The following TSHB variants were observed in gnomAD, a reference collection of about 807,000 sequenced individuals.
TSHB encodes thyrotropin subunit beta.
TSHB carries 9 observed loss-of-function variants against 9.3 expected under a neutral mutation model. That is an observed-to-expected ratio of 0.97 (90% CI 0.58 to 1.69). The LOEUF is 1.69. Ranked by LOEUF, TSHB falls within the 40% of genes most tolerant of loss-of-function variation. TSHB has a pLI of 0.00. For synonymous variants in TSHB, 57 were observed against 57.2 expected, an observed-to-expected ratio of 1.00 and a Z score of 0.01; for missense variants, 182 against 168.5, an observed-to-expected ratio of 1.08 and a Z score of -0.44.
chr1:115,033,497 C>T lies in TSHB; in HGVS notation c.135C>T (p.Thr45=), dbSNP rs1402358886. 1 of 1,613,148 alleles carries T rather than the reference C, an allele frequency of 6.2e-7. No homozygotes were observed. Among genetic ancestry groups the T allele is most frequent in the Non-Finnish European group, 8.5e-7 (1 of 1,179,332 alleles). Reference sequence around the variant, plus strand: ...CTTATTGCCTAACCATCAACACCACCATCTGTGCTGGATATTGTATGACAC... The same window carrying T: ...CTTATTGCCTAACCATCAACACCACTATCTGTGCTGGATATTGTATGACAC... ...ECAYCLTINT[T]ICAGYCMTRD... Residue 45 remains threonine, a synonymous_variant, in exon 2 of 3, where the codon ACC becomes ACT. Transcript: ENST00000256592.
At chr1:115,032,322 G>C (rs1002223087) in intron 1 of TSHB, among the ~76,000 whole-genome samples, 3 of 151,956 alleles carry the variant, frequency 2.0e-5, no homozygotes, top group African/African-American at 7.2e-5. Flanking sequence ...GGTTAACCAA[G>C]GCCGAACCTA....
intron 1 of TSHB, among the ~76,000 whole-genome samples, chr1:115,030,645 G>A (rs1453529893): frequency 6.6e-6 from 1 of 152,008 alleles, no homozygotes; most frequent in Non-Finnish European, 1.5e-5. Context: ...ATCTGAAGAA[G>A]GCATCTCATT....
At chr1:115,033,903 T>A in intron 2 of TSHB, 70 bp from the exon 3 acceptor site, 9 of 1,576,006 alleles carry the variant, frequency 5.7e-6, no homozygotes, top group Non-Finnish European at 7.8e-6. Flanking sequence ...AATTTATTTT[T>A]ATGTTTCTAT....
intron 1 of TSHB, among the ~76,000 whole-genome samples, 189 bp downstream of exon 1, chr1:115,030,049 A>G (rs1392502908): frequency 6.6e-6 from 1 of 152,134 alleles, no homozygotes; most frequent in Non-Finnish European, 1.5e-5. Flanking sequence ...AACTACCTAC[A>G]TAAGGATAAG....
At chr1:115,030,043 A>G (rs530241569) in intron 1 of TSHB, among the ~76,000 whole-genome samples, 183 bp downstream of exon 1, 13 of 152,252 alleles carry the variant, frequency 8.5e-5, no homozygotes, top group African/African-American at 3.1e-4. Context: ...TGAGAGAACT[A>G]CCTACATAAG....
chr1:115,030,507 G>A (rs771037582), intron 1 of TSHB, among the ~76,000 whole-genome samples: 1 of 151,872 alleles, frequency 6.6e-6, no homozygotes, highest in Non-Finnish European at 1.5e-5. Flanking sequence ...GAGCAGAGAG[G>A]AAAGTGTTTA....
At position 115,033,494 on chromosome 1, in the gene TSHB, C is replaced by T. The variant is rs1022924956; in HGVS notation, c.132C>T (p.Thr44=). 4 of 1,613,324 alleles carry T rather than the reference C, an allele frequency of 2.5e-6. No homozygotes were observed. The highest frequency in any genetic ancestry group is 1.7e-5 in the Admixed American group (1 of 59,990). ...RECAYCLTIN[T]TICAGYCMTR... is the part of the protein sequence containing the mutation. ...GTGCTTATTGCCTAACCATCAACAC[C>T]ACCATCTGTGCTGGATATTGTATGA... The change falls in exon 2 of 3, where the codon ACC becomes ACT. Residue 44 remains threonine, a synonymous_variant. Transcript: ENST00000256592.
At chr1:115,032,948 CT>C (rs1206489426) in intron 1 of TSHB, among the ~76,000 whole-genome samples, 7 of 151,202 alleles carry the variant, frequency 4.6e-5, no homozygotes, top group African/African-American at 1.7e-4. Context: ...TTTAATATTC[CT>C]GGCTAACCCA....
Position 115,033,372 on chromosome 1 carries a change from C to G in TSHB, c.10C>G (p.Leu4Val), listed in dbSNP as rs760078611. The change falls in exon 2 of 3, where the codon CTC becomes GTC. Residue 4 changes from leucine (L) to valine (V), a missense_variant. Physicochemically the swap from Leu to Val is conservative, Grantham distance 32. Coordinates refer to ENST00000256592, the MANE Select transcript of TSHB (RefSeq NM_000549.5). Reference protein sequence around the residue: MTALFLMSMLFGLT... With the variant: MTAVFLMSMLFGLT... ...TTATCTTTGATTTAGCATGACTGCT[C>G]TCTTTCTGATGTCCATGCTTTTTGG... The G allele has an allele frequency of 2.5e-6, 4 of 1,613,228 alleles. No individual in the cohort carries two copies. Among genetic ancestry groups the G allele is most frequent in the East Asian group, 2.2e-5 (1 of 44,878 alleles).
intron 1 of TSHB, among the ~76,000 whole-genome samples, chr1:115,031,707 T>A (rs914365696): frequency 3.3e-5 from 5 of 152,002 alleles, no homozygotes; most frequent in African/African-American, 1.2e-4. Context: ...AAGTTCTGTA[T>A]CTCTAAAATA....
chr1:115,034,245 AT>A lies in TSHB; in HGVS notation c.*21del, dbSNP rs1309703319. ...CTGTCTAATAGTGATATAATTTGCAATTTGGTTAAATGTGCTTGCCTGAAAT... is the reference window on the plus strand; with the variant it reads ...CTGTCTAATAGTGATATAATTTGCAATTGGTTAAATGTGCTTGCCTGAAAT... On this transcript the variant is annotated 3_prime_UTR_variant, in exon 3 of 3. Coordinates refer to ENST00000256592, the MANE Select transcript of TSHB (RefSeq NM_000549.5). 1 of 1,612,860 alleles carries A rather than the reference AT, an allele frequency of 6.2e-7. No homozygotes were observed. The highest frequency in any genetic ancestry group is 2.2e-5 in the East Asian group (1 of 44,866).
In TSHB at chr1:115,033,005, C is replaced by CTT. The variant is rs5777208; in HGVS notation, c.-1-344_-1-343dup. Reference sequence around the variant, plus strand: ...ATTGTATTCTTCTAATTGTGTCAACCTTTTTTTTTTTTTTGCCTGTTAATC... The same window carrying CTT: ...ATTGTATTCTTCTAATTGTGTCAACCTTTTTTTTTTTTTTTTGCCTGTTAATC... On this transcript the variant is annotated intron_variant, in intron 1 of 2. Transcript: ENST00000256592. 6.8e-3 allele frequency among the ~76,000 whole-genome samples: 951 copies of CTT among 140,558 alleles called. 9 individuals carry two copies. Among genetic ancestry groups the CTT allele is most frequent in the Middle Eastern group, 0.011 (3 of 270 alleles). 92.2% of individuals were successfully genotyped at this position (140,558 alleles called of 152,430 possible).
intron 1 of TSHB, among the ~76,000 whole-genome samples, chr1:115,030,069 C>A (rs1239482212): frequency 2.0e-5 from 3 of 151,962 alleles, no homozygotes; most frequent in Non-Finnish European, 2.9e-5. Context: ...GGAAAAAATT[C>A]ATTGACTTAA....
At chr1:115,030,028 G>A (rs971940994) in intron 1 of TSHB, among the ~76,000 whole-genome samples, 168 bp downstream of exon 1, 1 of 152,002 alleles carries the variant, frequency 6.6e-6, no homozygotes, top group Non-Finnish European at 1.5e-5. Context: ...AGTAGTAGAT[G>A]GAGGTGAGAG....
chr1:115,032,587 A>G (rs1393513621), intron 1 of TSHB, among the ~76,000 whole-genome samples: 3 of 152,032 alleles, frequency 2.0e-5, no homozygotes, highest in Non-Finnish European at 2.9e-5. Flanking sequence ...CTAGCTGTAC[A>G]ATATTTGTAA....
intron 1 of TSHB, among the ~76,000 whole-genome samples, chr1:115,032,607 A>T (rs1056475641): frequency 6.6e-6 from 1 of 151,978 alleles, no homozygotes; most frequent in African/African-American, 2.4e-5. Flanking sequence ...AGATTAAAAA[A>T]ATTCTTCTTA....
intron 2 of TSHB, 57 bp downstream of exon 2, chr1:115,033,581 C>T: frequency 6.9e-7 from 1 of 1,438,860 alleles, no homozygotes; most frequent in East Asian, 2.3e-5. Context: ...TGAAGAAGTC[C>T]ATTCCTATAT....
rs1169849624 is a variant in TSHB at position 115,033,401 on chromosome 1, T to C, written c.39T>C (p.Leu13=). ...ALFLMSMLFG[L]TCGQAMSFCI... ...TTCTGATGTCCATGCTTTTTGGCCT[T>C]ACATGTGGGCAAGCGATGTCTTTTT... Residue 13 remains leucine, a synonymous_variant, in exon 2 of 3, where the codon CTT becomes CTC. Coordinates refer to ENST00000256592, the MANE Select transcript of TSHB (RefSeq NM_000549.5). 2 of 1,613,448 alleles carry C rather than the reference T, an allele frequency of 1.2e-6. No homozygotes were observed. The highest frequency in any genetic ancestry group is 1.7e-6 in the Non-Finnish European group (2 of 1,179,456).
At chr1:115,032,490 C>G (rs1463816847) in intron 1 of TSHB, among the ~76,000 whole-genome samples, 1 of 151,806 alleles carries the variant, frequency 6.6e-6, no homozygotes, top group African/African-American at 2.4e-5. Context: ...AGTTTATGTT[C>G]ATAGACCACA....
Sources: gnomAD v4.1 joint callset for allele counts (sites outside exome capture counted in the v4.1 genomes callset) on GRCh38, gnomAD v4.1.1 for gene constraint, MANE v1.5 for transcripts, NCBI Gene and HGNC (gene_info 2026-07-23, HGNC 2026-07-21) for gene names.